Variants in CAMKMT observed in about 807,000 individuals in gnomAD.
The protein encoded by CAMKMT is CaM KMT.
A neutral mutation model predicts 48.0 loss-of-function variants in CAMKMT; 53 were observed. That is an observed-to-expected ratio of 1.10 (90% CI 0.89 to 1.39). The LOEUF (loss-of-function observed/expected upper bound fraction) is 1.39, where lower values mean the gene tolerates loss of function less well. Ranked by LOEUF, CAMKMT falls within the 40% of genes most tolerant of loss-of-function variation. CAMKMT has a pLI of 0.00. For synonymous variants in CAMKMT, 165 were observed against 152.3 expected, an observed-to-expected ratio of 1.08 and a Z score of -0.61; for missense variants, 428 against 402.7, an observed-to-expected ratio of 1.06 and a Z score of -0.54.
intron 7 of CAMKMT, among the ~76,000 whole-genome samples, chr2:44,730,315 T>A (rs1443914639): frequency 6.6e-6 from 1 of 152,238 alleles, no homozygotes; most frequent in Non-Finnish European, 1.5e-5. Flanking sequence ...TCAGGATACC[T>A]TCCCCAACTT....
chr2:44,631,457 G>GA (rs145937282), intron 3 of CAMKMT: 1,344 of 561,546 alleles, frequency 2.4e-3, no homozygotes, highest in South Asian at 4.4e-3. Flanking sequence ...GTTTAAATAA[G>GA]AAAAAAAAAC....
At chr2:44,389,033 G>A (rs761656466) in intron 2 of CAMKMT, among the ~76,000 whole-genome samples, 4 of 152,126 alleles carry the variant, frequency 2.6e-5, no homozygotes, top group Admixed American at 6.5e-5. Flanking sequence ...GTAGTAATAC[G>A]GAGAGGAACT....
intron 3 of CAMKMT, among the ~76,000 whole-genome samples, chr2:44,553,181 T>C (rs550126435): frequency 2.7e-4 from 41 of 152,332 alleles, no homozygotes; most frequent in African/African-American, 9.4e-4. Context: ...ACCAATACGA[T>C]ACTATACTAC....
chr2:44,657,229 G>C lies in CAMKMT; in HGVS notation c.377-47054G>C, dbSNP rs868702153. On this transcript the variant is annotated intron_variant, in intron 3 of 10. Transcript: ENST00000378494. This position sits in a 1 kb window ranked among gnomAD's most constrained non-coding sequence, Gnocchi z 4.3. ...TCAGAGTTGAATTTTAGAAGATTCA[G>C]ATAACTTCTTCAATTTGAGGTTCCT... Among the ~76,000 whole-genome samples the C allele has an allele frequency of 3.3e-5, 5 of 152,340 alleles. No homozygotes were observed. The South Asian group carries it at 1.0e-3, about 32-fold the overall frequency.
At chr2:44,385,142 G>A (rs368578362) in intron 2 of CAMKMT, among the ~76,000 whole-genome samples, 13 of 152,020 alleles carry the variant, frequency 8.6e-5, no homozygotes, top group East Asian at 1.9e-4. Flanking sequence ...TGTTTGTGTC[G>A]TCTGTGATTT....
intron 3 of CAMKMT, among the ~76,000 whole-genome samples, chr2:44,595,645 CTTTAAAG>C (rs1558731989): frequency 6.6e-6 from 1 of 152,200 alleles, no homozygotes; most frequent in East Asian, 1.9e-4. Context: ...GAAAAAGCTA[CTTTAAAG>C]TTTAAAAAAC....
At chr2:44,717,647 C>T (rs1276298547) in intron 7 of CAMKMT, among the ~76,000 whole-genome samples, 1 of 152,102 alleles carries the variant, frequency 6.6e-6, no homozygotes, top group Non-Finnish European at 1.5e-5. Context: ...AGAGTAGTGA[C>T]AGATAACTAA....
intron 3 of CAMKMT, among the ~76,000 whole-genome samples, chr2:44,402,066 C>T (rs1264914230): frequency 6.6e-6 from 1 of 152,068 alleles, no homozygotes; most frequent in African/African-American, 2.4e-5. Context: ...GTGGCTCACG[C>T]CTATAGTCCC....
intron 6 of CAMKMT, among the ~76,000 whole-genome samples, chr2:44,712,470 A>T (rs1472206782): frequency 6.6e-6 from 1 of 152,134 alleles, no homozygotes; most frequent in Non-Finnish European, 1.5e-5. Context: ...ATATAAAAAT[A>T]TTTTTTAAGA....
At chr2:44,592,071 G>A (rs1015621973) in intron 3 of CAMKMT, among the ~76,000 whole-genome samples, 2 of 151,546 alleles carry the variant, frequency 1.3e-5, no homozygotes, top group African/African-American at 4.9e-5. Context: ...TGTGGGGTGG[G>A]GGGAAGGGGG....
chr2:44,601,320 G>A (rs574986577), intron 3 of CAMKMT, among the ~76,000 whole-genome samples: 1 of 152,194 alleles, frequency 6.6e-6, no homozygotes, highest in South Asian at 2.1e-4. Context: ...GCCAGGCATG[G>A]TGGTACATGC....
intron 3 of CAMKMT, among the ~76,000 whole-genome samples, chr2:44,591,812 C>G (rs534888672): frequency 2.6e-5 from 4 of 151,920 alleles, no homozygotes; most frequent in African/African-American, 9.7e-5. Context: ...TGGAACCAAC[C>G]CAAATGTCCA....
rs1449824927 is a variant in CAMKMT, at chr2:44,736,807, TC to T, written c.624-6814del. 5.9e-5 allele frequency among the ~76,000 whole-genome samples: 9 copies of T among 152,300 alleles called. No individual in the cohort carries two copies. The South Asian group carries it at 1.5e-3, about 25-fold the overall frequency. On this transcript the variant is annotated intron_variant, in intron 7 of 10. Coordinates refer to ENST00000378494, the MANE Select transcript of CAMKMT (RefSeq NM_024766.5). ...CTGTTAATCTTATCCAATGTATTGT[TC>T]TTCTCAGGCATTGTAGTTTTCATCT...
chr2:44,571,115 T>C (rs1465233903), intron 3 of CAMKMT, among the ~76,000 whole-genome samples: 1 of 152,164 alleles, frequency 6.6e-6, no homozygotes, highest in East Asian at 1.9e-4. Flanking sequence ...TTTAATGCAG[T>C]CTTTTTGTTT....
chr2:44,421,377 G>C (rs1683926351), intron 3 of CAMKMT, among the ~76,000 whole-genome samples: 1 of 152,092 alleles, frequency 6.6e-6, no homozygotes. Context: ...TATGAAAATT[G>C]AAGTTATAAA....
chr2:44,745,968 A>G lies in CAMKMT; in HGVS notation c.698+2272A>G, dbSNP rs529931279. ...TGCTTCTAGGGGCAGGCAGGCAGGC[A>G]GGCAAACCGTGCTACATATTTTTAA... On this transcript the variant is annotated intron_variant, in intron 8 of 10. Transcript: ENST00000378494. 3.3e-5 allele frequency among the ~76,000 whole-genome samples: 5 copies of G among 152,336 alleles called. No individual in the cohort carries two copies. The East Asian group carries it at 9.6e-4, about 29-fold the overall frequency.
intron 3 of CAMKMT, among the ~76,000 whole-genome samples, chr2:44,452,872 T>C (rs1188350321): frequency 6.6e-6 from 1 of 152,036 alleles, no homozygotes; most frequent in Non-Finnish European, 1.5e-5. Context: ...CATTATTGGA[T>C]GCCTTTGGGG....
intron 8 of CAMKMT, among the ~76,000 whole-genome samples, chr2:44,747,284 G>T (rs536367371): frequency 2.6e-5 from 4 of 152,210 alleles, no homozygotes; most frequent in Admixed American, 6.5e-5. Context: ...AGCTGATTTT[G>T]TGAAAATTTT....
chr2:44,706,449 G>C, intron 5 of CAMKMT, 108 bp downstream of exon 5: 1 of 1,062,336 alleles, frequency 9.4e-7, no homozygotes, highest in Non-Finnish European at 1.5e-6. Flanking sequence ...ATCAGCTGCG[G>C]TCAAGCTGCC....
Sources: allele counts gnomAD v4.1 joint callset (sites outside exome capture counted in the v4.1 genomes callset), GRCh38; gene constraint gnomAD v4.1.1; non-coding constraint Gnocchi (gnomAD v3.1); transcripts MANE v1.5; gene names NCBI Gene and HGNC (gene_info 2026-07-23, HGNC 2026-07-21).